MTBP: variants seen among roughly 807,000 people sequenced by gnomAD.
The protein encoded by MTBP is MDM2 binding protein.
MTBP carries 101 observed loss-of-function variants against 117.0 expected under a neutral mutation model. The observed-to-expected ratio is 0.86, with a 90% CI of 0.73 to 1.02. MTBP has a LOEUF of 1.02. MTBP is among the 50% of genes least tolerant of loss of function. The pLI is 0.00. For synonymous variants in MTBP, 350 were observed against 351.5 expected (o/e 1.00, Z 0.05); for missense variants, 970 against 1,030.9 (o/e 0.94, Z 0.81).
chr8:120,490,672 T>C, intron 13 of MTBP, 102 bp downstream of exon 13: 1 of 655,592 alleles, frequency 1.5e-6, no homozygotes. Context: ...GTTTATCTTT[T>C]AGTTATGCTA....
intron 17 of MTBP, among the ~76,000 whole-genome samples, chr8:120,511,629 AAATTT>A (rs1341287341): frequency 6.6e-6 from 1 of 152,202 alleles, no homozygotes; most frequent in African/African-American, 2.4e-5. Context: ...TAAGTTCATT[AAATTT>A]AAGTGGGAAC....
chr8:120,470,305 T>C (rs1438616670), intron 10 of MTBP, among the ~76,000 whole-genome samples: 1 of 152,228 alleles, frequency 6.6e-6, no homozygotes, highest in Non-Finnish European at 1.5e-5. Context: ...ATTCATTGTC[T>C]TCTCCTCAGT....
intron 16 of MTBP, among the ~76,000 whole-genome samples, chr8:120,509,409 C>G (rs1814754509): frequency 6.6e-6 from 1 of 152,116 alleles, no homozygotes; most frequent in Non-Finnish European, 1.5e-5. Flanking sequence ...TGAGACCAGC[C>G]TGGCCAACAT....
chr8:120,511,266 T>A (rs1227815375), intron 17 of MTBP, among the ~76,000 whole-genome samples: 1 of 152,176 alleles, frequency 6.6e-6, no homozygotes, highest in Non-Finnish European at 1.5e-5. Context: ...TTTTTAGCCA[T>A]ATACCCTTCT....
At position 120,461,211 on chromosome 8, in the gene MTBP, A is replaced by G; in HGVS notation, c.933A>G (p.Leu311=). 1 of 1,606,686 alleles carries G rather than the reference A, an allele frequency of 6.2e-7. No homozygotes were observed. The highest frequency in any genetic ancestry group is 1.1e-5 in the South Asian group (1 of 90,870). ...PALEFVQMIK[L]SDLPSCYMSD... Reference sequence around the variant, plus strand: ...TAGAATTTGTGCAGATGATAAAATTATCAGATCTACCCTCCTGCTATATGT... The same window carrying G: ...TAGAATTTGTGCAGATGATAAAATTGTCAGATCTACCCTCCTGCTATATGT... Residue 311 remains leucine (L), a synonymous_variant, in exon 9 of 22, where the codon TTA becomes TTG. Transcript: ENST00000305949.
At chr8:120,482,995 G>A (rs548298806) in intron 11 of MTBP, among the ~76,000 whole-genome samples, 6 of 150,696 alleles carry the variant, frequency 4.0e-5, no homozygotes, top group East Asian at 1.9e-4. Flanking sequence ...CACCGCACCC[G>A]GACAGTACTA....
At chr8:120,458,136 G>C (rs1196459537) in intron 7 of MTBP, among the ~76,000 whole-genome samples, 1 of 152,060 alleles carries the variant, frequency 6.6e-6, no homozygotes, top group Admixed American at 6.6e-5. Context: ...ATCTCCACTG[G>C]ATGCATTTAA....
At chr8:120,491,655 T>C (rs1297554289) in intron 13 of MTBP, among the ~76,000 whole-genome samples, 2 of 152,250 alleles carry the variant, frequency 1.3e-5, no homozygotes, top group African/African-American at 4.8e-5. Flanking sequence ...AGCTGTATTA[T>C]TCATTTTTTA....
At chr8:120,467,352 C>G (rs1309060264) in intron 10 of MTBP, among the ~76,000 whole-genome samples, 2 of 152,192 alleles carry the variant, frequency 1.3e-5, no homozygotes, top group African/African-American at 4.8e-5. Flanking sequence ...CAGTGACTCA[C>G]GCCTGTAATC....
chr8:120,520,292 A>G (rs996187953), intron 20 of MTBP, among the ~76,000 whole-genome samples: 2 of 152,146 alleles, frequency 1.3e-5, no homozygotes, highest in South Asian at 2.1e-4. Context: ...TGAAAGCTCC[A>G]TAACTTTAAA....
chr8:120,451,010 A>G lies in MTBP; in HGVS notation c.207A>G (p.Ser69=), dbSNP rs1415751690. Residue 69 remains serine, a synonymous_variant, in exon 3 of 22, where the codon TCA becomes TCG. Coordinates refer to ENST00000305949, the MANE Select transcript of MTBP (RefSeq NM_022045.5). ...TGTGGTTTTATTTTCAAGCCTGTTC[A>G]GTGGGAGGTATACCTGGTTCCAAGA... is the stretch of plus-strand genomic sequence containing the variant. The part of the protein sequence containing the change: ...NPEDSTFPAC[S]VGGIPGSKKW... 3 of 1,610,004 alleles carry G rather than the reference A, an allele frequency of 1.9e-6. No homozygotes were observed. The highest frequency in any genetic ancestry group is 2.7e-5 in the African/African-American group (2 of 74,686).
intron 21 of MTBP, 145 bp downstream of exon 21, chr8:120,522,864 T>C: frequency 1.7e-6 from 1 of 580,760 alleles, no homozygotes; most frequent in Non-Finnish European, 3.0e-6. Flanking sequence ...AGAAACTTCA[T>C]AGGCTTATTT....
intron 14 of MTBP, among the ~76,000 whole-genome samples, chr8:120,498,764 GAAGAT>G (rs1198570558): frequency 6.6e-6 from 1 of 152,092 alleles, no homozygotes; most frequent in Admixed American, 6.6e-5. Flanking sequence ...TGGATAGAGG[GAAGAT>G]AAGATTTGCC....
At chr8:120,446,584 C>A in intron 2 of MTBP, 71 bp downstream of exon 2, 1 of 939,726 alleles carries the variant, frequency 1.1e-6, no homozygotes. Flanking sequence ...TAATTTGGAC[C>A]CTAAGGAGTA....
chr8:120,476,547 C>A (rs1813943383), intron 11 of MTBP, among the ~76,000 whole-genome samples: 1 of 152,108 alleles, frequency 6.6e-6, no homozygotes, highest in African/African-American at 2.4e-5. Context: ...TGATAAACAA[C>A]TTCAGCAAAG....
intron 2 of MTBP, among the ~76,000 whole-genome samples, chr8:120,447,470 G>A (rs1306508731): frequency 6.6e-6 from 1 of 152,130 alleles, no homozygotes; most frequent in East Asian, 1.9e-4. Context: ...ATGTAAAAGA[G>A]CTCTTGGGAG....
rs565678269 is a variant in MTBP at position 120,490,789 on chromosome 8, A to T, written c.1447+219A>T. 9.1e-6 allele frequency: 3 copies of T among 329,332 alleles called. No individual in the cohort carries two copies. In the South Asian group the frequency reaches 2.6e-4, roughly 28 times the overall value. The allele number at this position is 329,332 out of a possible 1,614,324, so 20.4% of individuals were successfully genotyped here. Reference sequence around the variant, plus strand: ...TTGTACATCACTGTTAACATTTGTAAAAGTATTTCAACAGGCAAATTTTGT... The same window carrying T: ...TTGTACATCACTGTTAACATTTGTATAAGTATTTCAACAGGCAAATTTTGT... On this transcript the variant is annotated intron_variant, in intron 13 of 21. Coordinates refer to ENST00000305949, the MANE Select transcript of MTBP (RefSeq NM_022045.5).
chr8:120,496,068 G>T (rs973058394), intron 13 of MTBP, among the ~76,000 whole-genome samples: 2 of 152,090 alleles, frequency 1.3e-5, no homozygotes, highest in African/African-American at 2.4e-5. Flanking sequence ...TTAGATCTAT[G>T]GCCAAGTTGG....
chr8:120,498,805 A>G (rs142060482), intron 14 of MTBP, among the ~76,000 whole-genome samples: 283 of 152,296 alleles, frequency 1.9e-3, no homozygotes, highest in African/African-American at 6.6e-3. Flanking sequence ...ATTCAGGGTC[A>G]TGGAGGTAAG....
Sources: allele counts gnomAD v4.1 joint callset (sites outside exome capture counted in the v4.1 genomes callset), GRCh38; gene constraint gnomAD v4.1.1; transcripts MANE v1.5; gene names NCBI Gene and HGNC (gene_info 2026-07-23, HGNC 2026-07-21).